The following SPAG16 variants were observed in gnomAD, a reference collection of about 807,000 sequenced individuals.
SPAG16 encodes the protein sperm-associated antigen 16 protein.
Under a neutral mutation model 80.4 loss-of-function variants are expected in SPAG16, and 86 were observed. That is an observed-to-expected ratio of 1.07 (90% confidence interval 0.90 to 1.28). SPAG16 has a LOEUF of 1.28. Among genes scored for constraint, SPAG16 ranks in the 50% most tolerant of loss-of-function variants. The probability of loss-of-function intolerance (pLI) is 0.00; values close to 1 mark genes in which losing one functional copy is unlikely to be tolerated. For missense variants in SPAG16, 870 were observed against 765.3 expected (o/e 1.14, Z -1.61); for synonymous variants, 294 against 265.9 (o/e 1.11, Z -1.03).
At chr2:214,052,053 T>C (rs1038297953) in intron 13 of SPAG16, among the ~76,000 whole-genome samples, 3 of 152,258 alleles carry the variant, frequency 2.0e-5, no homozygotes, top group African/African-American at 7.2e-5. Context: ...AACATTTGAA[T>C]GTGCTATATA....
At chr2:213,321,042 A>G (rs2063588136) in intron 5 of SPAG16, among the ~76,000 whole-genome samples, 1 of 152,024 alleles carries the variant, frequency 6.6e-6, no homozygotes, top group African/African-American at 2.4e-5. Flanking sequence ...TAATGTTTGT[A>G]TTTTTAGGAT....
rs183904100 is a variant in SPAG16 at position 213,555,607 on chromosome 2, T to C, written c.1070+65517T>C. Among the ~76,000 whole-genome samples, 16 of 152,306 alleles carry C rather than the reference T, an allele frequency of 1.1e-4. 1 individual carries two copies. Among genetic ancestry groups the C allele is most frequent in the Non-Finnish European group, 2.2e-4 (15 of 68,020 alleles). ...TCATATCAGTGTAAGAACAGACAAA[T>C]ACATCCAGCAAAGCTGTCTTTTACA... On this transcript the variant is annotated intron_variant, in intron 10 of 15. Coordinates refer to ENST00000331683, the MANE Select transcript of SPAG16 (RefSeq NM_024532.5).
chr2:213,885,483 A>G (rs1049828824), intron 11 of SPAG16, among the ~76,000 whole-genome samples: 5 of 152,160 alleles, frequency 3.3e-5, no homozygotes, highest in African/African-American at 1.2e-4. Context: ...TATTTATCAT[A>G]TCTACTAGTT....
chr2:213,565,406 C>T (rs1376841267), intron 10 of SPAG16, among the ~76,000 whole-genome samples: 22 of 152,210 alleles, frequency 1.4e-4, no homozygotes, highest in Non-Finnish European at 5.9e-5. Flanking sequence ...CTAAGCAATT[C>T]TTCCATTGAG....
At chr2:214,256,999 G>A (rs1349573687) in intron 15 of SPAG16, among the ~76,000 whole-genome samples, 1 of 151,714 alleles carries the variant, frequency 6.6e-6, no homozygotes, top group Admixed American at 6.6e-5. Flanking sequence ...AGATTAATTT[G>A]GGCATAATTA....
intron 13 of SPAG16, among the ~76,000 whole-genome samples, chr2:214,063,429 C>T (rs990928144): frequency 2.6e-5 from 4 of 152,170 alleles, no homozygotes; most frequent in Admixed American, 6.5e-5. Flanking sequence ...TCCAAGATGG[C>T]GCCCTTTTGG....
At chr2:214,244,364 G>T (rs1324702922) in intron 15 of SPAG16, among the ~76,000 whole-genome samples, 1 of 149,136 alleles carries the variant, frequency 6.7e-6, no homozygotes, top group Non-Finnish European at 1.5e-5. Flanking sequence ...CACTCAGCAT[G>T]TGACTTCTTC....
chr2:213,926,429 G>T (rs1335813710), intron 11 of SPAG16, among the ~76,000 whole-genome samples: 1 of 151,816 alleles, frequency 6.6e-6, no homozygotes, highest in Non-Finnish European at 1.5e-5. Flanking sequence ...AAAGTCCATT[G>T]TATCATTCTT....
chr2:214,133,474 C>T (rs936143896), intron 14 of SPAG16, among the ~76,000 whole-genome samples: 5 of 151,972 alleles, frequency 3.3e-5, no homozygotes, highest in East Asian at 1.9e-4. Flanking sequence ...GCCTGGCCAA[C>T]GTGACGAAAA....
intron 10 of SPAG16, among the ~76,000 whole-genome samples, chr2:213,616,412 T>G (rs2061599390): frequency 1.3e-5 from 2 of 152,318 alleles, no homozygotes; most frequent in South Asian, 4.1e-4. Flanking sequence ...AAACATCCCA[T>G]TAACTTTCTT....
chr2:214,095,673 T>G (rs1448303863), intron 13 of SPAG16, among the ~76,000 whole-genome samples: 1 of 152,128 alleles, frequency 6.6e-6, no homozygotes, highest in African/African-American at 2.4e-5. Context: ...AAACTTGTAT[T>G]GGCTTCATAA....
intron 10 of SPAG16, among the ~76,000 whole-genome samples, chr2:213,680,838 A>G (rs1419998904): frequency 6.6e-6 from 1 of 152,188 alleles, no homozygotes; most frequent in Non-Finnish European, 1.5e-5. Flanking sequence ...CACTTAAGAA[A>G]TACATTGGTT....
intron 15 of SPAG16, among the ~76,000 whole-genome samples, chr2:214,275,232 CT>C (rs1692372415): frequency 6.6e-6 from 1 of 152,218 alleles, no homozygotes; most frequent in Non-Finnish European, 1.5e-5. Context: ...TTTTGTTGAT[CT>C]TTTCAAAAAA....
chr2:214,220,630 G>A lies in SPAG16; in HGVS notation c.1720+71364G>A, dbSNP rs17749501. Among the ~76,000 whole-genome samples the A allele has an allele frequency of 8.1e-3, 1,229 of 152,134 alleles. 8 individuals carry two copies. Among genetic ancestry groups the A allele is most frequent in the Non-Finnish European group, 0.011 (744 of 67,968 alleles). ...TATGGAATTTGTTATAGCTGAATAT[G>A]CTAAAACTGGATGGCAAAATTCAGG... is the stretch of plus-strand genomic sequence containing the variant. On this transcript the variant is annotated intron_variant, in intron 15 of 15. Transcript: ENST00000331683.
chr2:214,136,735 T>C (rs899298941), intron 14 of SPAG16, among the ~76,000 whole-genome samples: 1 of 152,230 alleles, frequency 6.6e-6, no homozygotes, highest in African/African-American at 2.4e-5. Flanking sequence ...TTATTTGCTT[T>C]ATTTGTGCCA....
intron 15 of SPAG16, among the ~76,000 whole-genome samples, chr2:214,244,226 A>G (rs1235242057): frequency 6.6e-6 from 1 of 151,972 alleles, no homozygotes; most frequent in Non-Finnish European, 1.5e-5. Context: ...ATAGATCAGA[A>G]TCCATATGAA....
intron 15 of SPAG16, among the ~76,000 whole-genome samples, chr2:214,380,192 T>C (rs1337256372): frequency 2.6e-5 from 4 of 152,224 alleles, no homozygotes; most frequent in Non-Finnish European, 5.9e-5. Flanking sequence ...ACCAAACCTA[T>C]AGTAATGGCC....
chr2:213,961,526 A>ATTT (rs35549155), intron 12 of SPAG16, among the ~76,000 whole-genome samples: 22 of 142,390 alleles, frequency 1.5e-4, no homozygotes, highest in African/African-American at 5.7e-4. Flanking sequence ...GTTGTTAGCT[A>ATTT]TTTTTTTTTT....
intron 11 of SPAG16, among the ~76,000 whole-genome samples, chr2:213,862,842 C>T (rs2075535494): frequency 6.6e-6 from 1 of 152,184 alleles, no homozygotes; most frequent in Admixed American, 6.5e-5. Context: ...ACTTAGTCCA[C>T]ATGCTTATGC....
Sources: gnomAD v4.1 joint callset for allele counts (sites outside exome capture counted in the v4.1 genomes callset) on GRCh38, gnomAD v4.1.1 for gene constraint, MANE v1.5 for transcripts, NCBI Gene and HGNC (gene_info 2026-07-23, HGNC 2026-07-21) for gene names.